PCBP3: variants seen among roughly 807,000 people sequenced by gnomAD.
The protein encoded by PCBP3 is poly(rC) binding protein 3, also known as poly(rC)-binding protein 3.
Under a neutral mutation model 52.7 loss-of-function variants are expected in PCBP3, and 25 were observed. The ratio of observed to expected loss-of-function variants is 0.47; its 90% confidence interval spans 0.35 to 0.66. PCBP3 has a LOEUF of 0.66. Among genes scored for constraint, PCBP3 ranks in the 30% least tolerant of loss-of-function variants. The pLI, the probability that PCBP3 is intolerant of heterozygous loss-of-function variation, is 0.01. For synonymous variants in PCBP3, 162 were observed against 183.0 expected, an observed-to-expected ratio of 0.89 and a Z score of 0.93; for missense variants, 391 against 490.3, an observed-to-expected ratio of 0.80 and a Z score of 1.91.
chr21:45,922,080 G>A (rs1043472755), intron 13 of PCBP3, among the ~76,000 whole-genome samples: 11 of 152,146 alleles, frequency 7.2e-5, no homozygotes, highest in African/African-American at 2.7e-4. Flanking sequence ...ACCAAGTGCA[G>A]TTTCAGAAAT....
rs544639068 is a variant in PCBP3, at chr21:45,904,275, C to A, written c.339+3162C>A. Among the ~76,000 whole-genome samples, 4 of 152,222 alleles carry A rather than the reference C, an allele frequency of 2.6e-5. No individual in the cohort carries two copies. On this transcript the variant is annotated intron_variant, in intron 9 of 17. Coordinates refer to ENST00000681687, the MANE Select transcript of PCBP3 (RefSeq NM_001384156.1). This position sits in a 1 kb window ranked among gnomAD's most constrained non-coding sequence, Gnocchi z 4.8. ...GAGGAAGAGCTGAGATGTCTCCAAG[C>A]GCGCAGACTGTATGGCCAAGGAAGC... is the stretch of plus-strand genomic sequence containing the variant.
intron 4 of PCBP3, among the ~76,000 whole-genome samples, chr21:45,789,411 C>T (rs117275582): frequency 6.6e-6 from 1 of 151,546 alleles, no homozygotes; most frequent in Non-Finnish European, 1.5e-5. Context: ...TGTTTGTGAT[C>T]GTGTCTTTTC....
Position 45,941,895 on chromosome 21 carries a change from C to T in PCBP3, c.*189C>T. ...AGCTGCTCTCTACAGAGGCTGCAGG[C>T]TCCGCCGAGTCCCCCCTCAGTGTTA... is the stretch of plus-strand genomic sequence containing the variant. On this transcript the variant is annotated 3_prime_UTR_variant, in exon 18 of 18. Transcript: ENST00000681687. 1 of 443,982 alleles carries T rather than the reference C, an allele frequency of 2.3e-6. No homozygotes were observed. Among genetic ancestry groups the T allele is most frequent in the Non-Finnish European group, 4.0e-6 (1 of 252,624 alleles). 27.5% of individuals were successfully genotyped at this position (443,982 alleles called of 1,614,324 possible).
At chr21:45,797,746 TAG>T (rs1331194964) in intron 4 of PCBP3, among the ~76,000 whole-genome samples, 8 of 139,722 alleles carry the variant, frequency 5.7e-5, no homozygotes, top group Admixed American at 7.2e-5. Context: ...CGTGGATCCA[TAG>T]AGAGAGTGAA....
At chr21:45,697,526 C>T (rs1172312218) in intron 2 of PCBP3, among the ~76,000 whole-genome samples, 5 of 152,108 alleles carry the variant, frequency 3.3e-5, no homozygotes, top group Non-Finnish European at 5.9e-5. Flanking sequence ...AGGAGGATTG[C>T]TTGAGTCTGG....
chr21:45,871,678 G>A (rs2095029891), intron 5 of PCBP3: 1 of 152,288 alleles, frequency 6.6e-6, no homozygotes, highest in African/African-American at 2.4e-5. Context: ...AGAGGCCAGG[G>A]CCACTGCCCT....
chr21:45,665,847 A>G (rs1116983), intron 1 of PCBP3, among the ~76,000 whole-genome samples: 47,700 of 152,046 alleles, frequency 0.31, 8,881 homozygotes, highest in East Asian at 0.66. Flanking sequence ...AATATCATTG[A>G]TGAAAATACA....
intron 4 of PCBP3, among the ~76,000 whole-genome samples, chr21:45,839,711 C>G (rs911148408): frequency 2.0e-5 from 3 of 152,140 alleles, no homozygotes; most frequent in Non-Finnish European, 4.4e-5. Flanking sequence ...GAGATGGAGT[C>G]TCTCTCACTT....
chr21:45,712,924 C>T (rs2148179117), intron 2 of PCBP3, among the ~76,000 whole-genome samples: 1 of 152,248 alleles, frequency 6.6e-6, no homozygotes, highest in South Asian at 2.1e-4. Flanking sequence ...CACACATTTG[C>T]CACTGTGGTG....
At chr21:45,710,424 C>T (rs893403377) in intron 2 of PCBP3, among the ~76,000 whole-genome samples, 6 of 151,968 alleles carry the variant, frequency 3.9e-5, no homozygotes, top group Admixed American at 6.6e-5. Flanking sequence ...TTTGTCCTTG[C>T]GATAGTTTGC....
chr21:45,661,475 AG>A (rs2080386289), intron 1 of PCBP3, among the ~76,000 whole-genome samples: 1 of 152,230 alleles, frequency 6.6e-6, no homozygotes, highest in African/African-American at 2.4e-5. Flanking sequence ...GTTGCTGCAA[AG>A]GACATGATTT....
At chr21:45,783,540 A>G (rs1010301056) in intron 4 of PCBP3, among the ~76,000 whole-genome samples, 3 of 152,210 alleles carry the variant, frequency 2.0e-5, no homozygotes, top group African/African-American at 7.2e-5. Context: ...GAAGGGGGGA[A>G]GGTCACAGAG....
At chr21:45,832,159 G>A (rs940362330) in intron 4 of PCBP3, among the ~76,000 whole-genome samples, 2 of 152,214 alleles carry the variant, frequency 1.3e-5, no homozygotes, top group Admixed American at 6.5e-5. Context: ...GGAAAGGCAT[G>A]CGCAATTCCT....
intron 4 of PCBP3, among the ~76,000 whole-genome samples, chr21:45,804,098 G>A (rs1230714270): frequency 6.6e-6 from 1 of 152,170 alleles, no homozygotes; most frequent in Non-Finnish European, 1.5e-5. Context: ...CAGCCCACAG[G>A]TGCCCACTGC....
At chr21:45,913,860 G>T in intron 11 of PCBP3, 91 bp from the exon 12 acceptor site, 3 of 1,199,750 alleles carry the variant, frequency 2.5e-6, no homozygotes, top group Admixed American at 3.8e-5. Flanking sequence ...GGTGCAGGGG[G>T]CTGAGTGGGG....
chr21:45,825,396 C>T (rs1413099304), intron 4 of PCBP3, among the ~76,000 whole-genome samples: 6 of 152,132 alleles, frequency 3.9e-5, no homozygotes, highest in Non-Finnish European at 8.8e-5. Flanking sequence ...GTGTCCCCGC[C>T]GCCGTGGAGA....
intron 2 of PCBP3, among the ~76,000 whole-genome samples, chr21:45,713,041 A>C (rs1266814270): frequency 6.6e-6 from 1 of 152,162 alleles, no homozygotes; most frequent in African/African-American, 2.4e-5. Context: ...TGCTCTTTCC[A>C]TGAGTCATTT....
chr21:45,860,408 C>T (rs965820646), intron 5 of PCBP3, among the ~76,000 whole-genome samples: 3 of 152,224 alleles, frequency 2.0e-5, no homozygotes, highest in African/African-American at 7.2e-5. Context: ...TAGGACTGTG[C>T]AGCTGACTTG....
chr21:45,778,800 G>A (rs1046245265), intron 4 of PCBP3, among the ~76,000 whole-genome samples: 19 of 152,182 alleles, frequency 1.2e-4, no homozygotes, highest in African/African-American at 4.1e-4. Flanking sequence ...CCCCCCAGTA[G>A]TGAGGGCAGG....
Sources: gnomAD v4.1 joint callset for allele counts (sites outside exome capture counted in the v4.1 genomes callset) on GRCh38, gnomAD v4.1.1 for gene constraint, Gnocchi (gnomAD v3.1) non-coding constraint, MANE v1.5 for transcripts, NCBI Gene and HGNC (gene_info 2026-07-23, HGNC 2026-07-21) for gene names.